CA13: variants seen among roughly 807,000 people sequenced by gnomAD.
CA13 encodes carbonic anhydrase 13, also known as CA-XIII.
Under a neutral mutation model 31.5 loss-of-function variants are expected in CA13, and 21 were observed. That is an observed-to-expected ratio of 0.67 (90% CI 0.47 to 0.96). The LOEUF (loss-of-function observed/expected upper bound fraction) is 0.96. Ranked by LOEUF, CA13 falls within the 40% of genes least tolerant of loss-of-function variation. The pLI is 0.00. For missense variants in CA13, 315 were observed against 318.9 expected, an observed-to-expected ratio of 0.99 and a Z score of 0.09; for synonymous variants, 117 against 111.4, an observed-to-expected ratio of 1.05 and a Z score of -0.32.
In CA13 at chr8:85,282,349, G is replaced by A. The variant is rs1409712450; in HGVS notation, c.*1000G>A. On this transcript the variant is annotated 3_prime_UTR_variant, in exon 7 of 7. Coordinates refer to ENST00000321764, the MANE Select transcript of CA13 (RefSeq NM_198584.3). ...TTATACCATATATGATATTCACTCA[G>A]TAATGTTAATAATGAACTGGCTAAT... 1.3e-5 allele frequency: 2 copies of A among 152,610 alleles called. No individual in the cohort carries two copies. Among genetic ancestry groups the A allele is most frequent in the Non-Finnish European group, 1.5e-5 (1 of 68,046 alleles). 9.5% of individuals were successfully genotyped at this position (152,610 alleles called of 1,614,324 possible).
At chr8:85,253,181 G>T (rs961437702) in intron 2 of CA13, among the ~76,000 whole-genome samples, 4 of 152,070 alleles carry the variant, frequency 2.6e-5, no homozygotes, top group African/African-American at 9.7e-5. Context: ...CCGACCTCAG[G>T]TGATCCGCCC....
chr8:85,277,763 A>C (rs923106565), intron 6 of CA13, among the ~76,000 whole-genome samples: 6 of 152,138 alleles, frequency 3.9e-5, no homozygotes, highest in Non-Finnish European at 8.8e-5. Flanking sequence ...AGGACGGGGC[A>C]GGGGTTTTAT....
At chr8:85,276,831 A>T (rs372662138) in intron 6 of CA13, among the ~76,000 whole-genome samples, 8 of 152,002 alleles carry the variant, frequency 5.3e-5, no homozygotes, top group East Asian at 1.9e-4. Context: ...GGGGACTTGG[A>T]GAACCTTTAT....
In CA13 at chr8:85,267,849, T is replaced by C. The variant is rs530670562; in HGVS notation, c.451-53T>C. 53 of 1,107,774 alleles carry C rather than the reference T, an allele frequency of 4.8e-5. No homozygotes were observed. In the East Asian group the frequency reaches 1.1e-3, roughly 24 times the overall value. 68.6% of individuals were successfully genotyped at this position (1,107,774 alleles called of 1,614,324 possible). On this transcript the variant is annotated intron_variant, in intron 4 of 6. Coordinates refer to ENST00000321764, the MANE Select transcript of CA13 (RefSeq NM_198584.3). ...TTAAATAGTGGCTGAAATTGAGTGA[T>C]TCAGACTTGATCTGCTACAGTAACC... is the stretch of plus-strand genomic sequence containing the variant.
chr8:85,281,400 A>G lies in CA13; in HGVS notation c.*51A>G. 6.3e-7 allele frequency: 1 copy of G among 1,590,566 alleles called. No individual in the cohort carries two copies. On this transcript the variant is annotated 3_prime_UTR_variant, in exon 7 of 7. Coordinates refer to ENST00000321764, the MANE Select transcript of CA13 (RefSeq NM_198584.3). Reference sequence around the variant, plus strand: ...AACATGGCTGTGGAGAGACAACAAAACAAAACAAAGCACAAAAGTCTCTGC... The same window carrying G: ...AACATGGCTGTGGAGAGACAACAAAGCAAAACAAAGCACAAAAGTCTCTGC...
intron 2 of CA13, among the ~76,000 whole-genome samples, chr8:85,255,199 C>T (rs1807273184): frequency 1.3e-5 from 2 of 151,834 alleles, no homozygotes; most frequent in Non-Finnish European, 2.9e-5. Flanking sequence ...TCATTGAAGC[C>T]CGGAACTCCT....
Position 85,281,438 on chromosome 8 carries a change from T to C in CA13, c.*89T>C. Reference sequence around the variant, plus strand: ...CAAAAGTCTCTGCCAACAACTCTTTTGTGGAATTCTAATTTATAGGAAACA... The same window carrying C: ...CAAAAGTCTCTGCCAACAACTCTTTCGTGGAATTCTAATTTATAGGAAACA... On this transcript the variant is annotated 3_prime_UTR_variant, in exon 7 of 7. Coordinates refer to ENST00000321764, the MANE Select transcript of CA13 (RefSeq NM_198584.3). 6.5e-7 allele frequency: 1 copy of C among 1,533,938 alleles called. No homozygotes were observed. Among genetic ancestry groups the C allele is most frequent in the Non-Finnish European group, 8.8e-7 (1 of 1,134,486 alleles).
At chr8:85,280,188 G>A (rs1807680534) in intron 6 of CA13, among the ~76,000 whole-genome samples, 1 of 152,186 alleles carries the variant, frequency 6.6e-6, no homozygotes, top group Admixed American at 6.5e-5. Flanking sequence ...GCTGAGGCAG[G>A]AGAATTGCTT....
At chr8:85,253,815 G>A (rs773365868) in intron 2 of CA13, among the ~76,000 whole-genome samples, 12 of 152,018 alleles carry the variant, frequency 7.9e-5, no homozygotes, top group Non-Finnish European at 1.5e-4. Context: ...GAGGGCAGCT[G>A]GGCAACATAG....
Position 85,283,705 on chromosome 8 carries a change from A to G in CA13, c.*2356A>G, listed in dbSNP as rs1564007172. 6.6e-6 allele frequency: 1 copy of G among 152,632 alleles called. No homozygotes were observed. The highest frequency in any genetic ancestry group is 1.5e-5 in the Non-Finnish European group (1 of 68,032). The allele number at this position is 152,632 out of a possible 1,614,324, so 9.5% of individuals were successfully genotyped here. A position where few individuals can be genotyped will look rare whatever the true frequency, so the allele number is the denominator to read the frequency against. The stretch of plus-strand genomic sequence containing the variant: ...TTTCTGGAAGAATGTAAGTTGCTAT[A>G]TGTGGAGGGGCATGTAGGACAGGGG... On this transcript the variant is annotated 3_prime_UTR_variant, in exon 7 of 7. Coordinates refer to ENST00000321764, the MANE Select transcript of CA13 (RefSeq NM_198584.3).
At chr8:85,269,838 A>G (rs1038061159) in intron 6 of CA13, among the ~76,000 whole-genome samples, 9 of 152,138 alleles carry the variant, frequency 5.9e-5, no homozygotes, top group Non-Finnish European at 1.2e-4. Flanking sequence ...CCTCCCATGT[A>G]GCTGGAATTA....
chr8:85,282,947 C>G lies in CA13; in HGVS notation c.*1598C>G, dbSNP rs573503958. On this transcript the variant is annotated 3_prime_UTR_variant, in exon 7 of 7. Coordinates refer to ENST00000321764, the MANE Select transcript of CA13 (RefSeq NM_198584.3). Reference sequence around the variant, plus strand: ...TTTTTGTTTTTTTTTTGTTTTTGGACGGAGTCTTAGTCTGTCACTGAGGCT... The same window carrying G: ...TTTTTGTTTTTTTTTTGTTTTTGGAGGGAGTCTTAGTCTGTCACTGAGGCT... 2 of 150,342 alleles carry G rather than the reference C, an allele frequency of 1.3e-5. No homozygotes were observed. The highest frequency in any genetic ancestry group is 3.0e-5 in the Non-Finnish European group (2 of 67,792). The allele number at this position is 150,342 out of a possible 1,614,324, so 9.3% of individuals were successfully genotyped here.
intron 6 of CA13, 144 bp downstream of exon 6, chr8:85,268,771 G>A (rs1255624634): frequency 4.5e-6 from 3 of 662,746 alleles, no homozygotes; most frequent in African/African-American, 1.8e-5. Context: ...TGGGCTAGAT[G>A]AGACCTATGT....
chr8:85,278,143 A>G (rs955855997), intron 6 of CA13, among the ~76,000 whole-genome samples: 5 of 151,542 alleles, frequency 3.3e-5, no homozygotes, highest in Non-Finnish European at 7.4e-5. Context: ...CTGCCTATAT[A>G]TAACCTCAGC....
chr8:85,271,034 G>A (rs1002644365), intron 6 of CA13, among the ~76,000 whole-genome samples: 3 of 152,122 alleles, frequency 2.0e-5, no homozygotes, highest in African/African-American at 7.2e-5. Flanking sequence ...ACACTTTCAC[G>A]TATTTTAGTT....
chr8:85,250,936 A>G lies in CA13; in HGVS notation c.234A>G (p.Ser78=), dbSNP rs774174679. The change falls in exon 2 of 7, where the codon TCA becomes TCG. Residue 78 remains serine, a splice_region_variant and synonymous_variant. Coordinates refer to ENST00000321764, the MANE Select transcript of CA13 (RefSeq NM_198584.3). ...NVDFDDTENK[S]VLRGGPLTGS... ...ACTTTGATGACACAGAGAACAAATCAGGTTGGCTTTTCTTTTTTTGTGTGT... is the reference window on the plus strand; with the variant it reads ...ACTTTGATGACACAGAGAACAAATCGGGTTGGCTTTTCTTTTTTTGTGTGT... 53 of 1,612,710 alleles carry G rather than the reference A, an allele frequency of 3.3e-5. No homozygotes were observed. Among genetic ancestry groups the G allele is most frequent in the Non-Finnish European group, 4.4e-5 (52 of 1,179,478 alleles).
At chr8:85,250,184 T>A (rs1813802300) in intron 1 of CA13, among the ~76,000 whole-genome samples, 1 of 152,254 alleles carries the variant, frequency 6.6e-6, no homozygotes, top group South Asian at 2.1e-4. Flanking sequence ...AATTTGTGTG[T>A]TTCCTTGGTA....
Position 85,260,581 on chromosome 8 carries a change from A to G in CA13, c.354+1042A>G, listed in dbSNP as rs78915185. Among the ~76,000 whole-genome samples, 850 of 152,268 alleles carry G rather than the reference A, an allele frequency of 5.6e-3. 6 individuals are homozygous for G. Among genetic ancestry groups the G allele is most frequent in the Non-Finnish European group, 7.7e-3 (525 of 68,022 alleles). On this transcript the variant is annotated intron_variant, in intron 3 of 6. Transcript: ENST00000321764. ...TTTCATCTGAAATGTTTGCTTTGCC[A>G]CTAAATCACTTGTGTTTGAGGCCAA...
chr8:85,259,594 G>A (rs1807350326), intron 3 of CA13, 55 bp downstream of exon 3: 10 of 1,417,628 alleles, frequency 7.1e-6, no homozygotes, highest in South Asian at 3.5e-5. Context: ...TGGAATTTAA[G>A]GGGTACAGAG....
Sources: gnomAD v4.1 joint callset for allele counts (sites outside exome capture counted in the v4.1 genomes callset) on GRCh38, gnomAD v4.1.1 for gene constraint, MANE v1.5 for transcripts, NCBI Gene and HGNC (gene_info 2026-07-23, HGNC 2026-07-21) for gene names.